The following PHF14 variants were observed in gnomAD, a reference collection of about 807,000 sequenced individuals.
PHF14 encodes PHD finger protein 14.
PHF14 carries 55 observed loss-of-function variants against 117.9 expected under a neutral mutation model. The ratio of observed to expected loss-of-function variants is 0.47; its 90% confidence interval spans 0.38 to 0.58. PHF14 has a LOEUF of 0.58. Ranked by LOEUF, PHF14 falls within the 20% of genes least tolerant of loss-of-function variation. PHF14 has a pLI of 0.00. For synonymous variants in PHF14, 409 were observed against 368.6 expected (o/e 1.11, Z -1.26); for missense variants, 978 against 1,122.2 (o/e 0.87, Z 1.84).
intron 16 of PHF14, among the ~76,000 whole-genome samples, chr7:11,072,969 A>C (rs1785676488): frequency 6.6e-6 from 1 of 152,200 alleles, no homozygotes; most frequent in Non-Finnish European, 1.5e-5. Context: ...CCAAGCATTC[A>C]TGAGGGATCT....
chr7:11,050,335 A>G (rs775449380), intron 13 of PHF14, among the ~76,000 whole-genome samples: 1 of 152,166 alleles, frequency 6.6e-6, no homozygotes, highest in Non-Finnish European at 1.5e-5. Flanking sequence ...GATTATAATC[A>G]TTTTTATTAA....
intron 17 of PHF14, among the ~76,000 whole-genome samples, chr7:11,167,179 T>C: frequency 6.6e-6 from 1 of 152,146 alleles, no homozygotes; most frequent in East Asian, 1.9e-4. Context: ...TAGAGAAAAC[T>C]AGATAGCCAA....
At chr7:11,052,269 C>G (rs1453054192) in intron 14 of PHF14, among the ~76,000 whole-genome samples, 1 of 152,046 alleles carries the variant, frequency 6.6e-6, no homozygotes, top group African/African-American at 2.4e-5. Context: ...GATATTTTGA[C>G]CAAAATTATG....
intron 16 of PHF14, among the ~76,000 whole-genome samples, chr7:11,084,577 C>A (rs1395243959): frequency 2.0e-5 from 3 of 151,596 alleles, no homozygotes; most frequent in East Asian, 1.9e-4. Flanking sequence ...TAAGTAGCTA[C>A]AAAATATAAT....
At chr7:11,115,964 A>G (rs1787590959) in intron 17 of PHF14, among the ~76,000 whole-genome samples, 2 of 152,036 alleles carry the variant, frequency 1.3e-5, no homozygotes, top group Admixed American at 1.3e-4. Flanking sequence ...GATTTGAATT[A>G]TAGATAATGA....
At chr7:11,110,755 G>C (rs184480652) in intron 16 of PHF14, among the ~76,000 whole-genome samples, 1 of 151,930 alleles carries the variant, frequency 6.6e-6, no homozygotes, top group African/African-American at 2.4e-5. Flanking sequence ...ACATGTAAAG[G>C]TTATTTTTAT....
chr7:11,040,473 C>G (rs1432833045), intron 11 of PHF14, among the ~76,000 whole-genome samples, 199 bp from the exon 12 acceptor site: 1 of 151,792 alleles, frequency 6.6e-6, no homozygotes, highest in Non-Finnish European at 1.5e-5. Flanking sequence ...TGATGAAAGT[C>G]TGTAATTATA....
At chr7:11,137,733 C>G (rs1788267268) in intron 17 of PHF14, among the ~76,000 whole-genome samples, 2 of 151,222 alleles carry the variant, frequency 1.3e-5, no homozygotes, top group Admixed American at 1.3e-4. Flanking sequence ...TTACAGGCAC[C>G]TGCCACCACG....
intron 17 of PHF14, among the ~76,000 whole-genome samples, chr7:11,127,539 C>G (rs1261364481): frequency 2.6e-5 from 4 of 152,108 alleles, no homozygotes. Flanking sequence ...TGCTTTGCTA[C>G]TACAGACAGA....
chr7:10,989,035 G>A (rs1194442149), intron 3 of PHF14, among the ~76,000 whole-genome samples: 1 of 152,062 alleles, frequency 6.6e-6, no homozygotes, highest in Admixed American at 6.6e-5. Context: ...GATGTTTTCA[G>A]TTTTATTTGC....
intron 11 of PHF14, among the ~76,000 whole-genome samples, 176 bp downstream of exon 11, chr7:11,039,031 T>A (rs1215989253): frequency 1.3e-5 from 2 of 152,184 alleles, no homozygotes; most frequent in African/African-American, 4.8e-5. Context: ...GGAAGCTGCC[T>A]ACTGAGAACC....
At chr7:11,169,164 G>C (rs1789294742) in intron 17 of PHF14, among the ~76,000 whole-genome samples, 1 of 152,072 alleles carries the variant, frequency 6.6e-6, no homozygotes, top group African/African-American at 2.4e-5. Flanking sequence ...TTCAGTGGCA[G>C]GTGTTTCCAA....
rs372335318 is a variant in PHF14, at chr7:10,974,900, T to G, written c.67T>G (p.Tyr23Asp). The change falls in exon 2 of 18, where the codon TAT becomes GAT. Residue 23 changes from tyrosine to aspartate, a missense_variant. Tyr to Asp is a radical substitution (Grantham distance 160). This residue lies in a region of PHF14 where 414 missense variants were observed against 376.4 expected (regional missense o/e 1.10). Transcript: ENST00000634607. ...AGCTTCTCTGCTGGAAGCTCTTGATTATGATAGTTCAGATGACAGTGATTT... is the reference window on the plus strand; with the variant it reads ...AGCTTCTCTGCTGGAAGCTCTTGATGATGATAGTTCAGATGACAGTGATTT... ...LAASLLEALD[Y>D]DSSDDSDFKV... 6.3e-7 allele frequency: 1 copy of G among 1,592,042 alleles called. No homozygotes were observed. Among genetic ancestry groups the G allele is most frequent in the Non-Finnish European group, 8.6e-7 (1 of 1,167,170 alleles).
At chr7:11,030,202 A>T (rs927729772) in intron 7 of PHF14, among the ~76,000 whole-genome samples, 10 of 151,644 alleles carry the variant, frequency 6.6e-5, no homozygotes, top group African/African-American at 2.4e-4. Context: ...GGTAGTCTGG[A>T]TTCCTCATAG....
intron 16 of PHF14, chr7:11,063,256 C>A (rs752121185): frequency 1.0e-6 from 1 of 984,484 alleles, no homozygotes; most frequent in Non-Finnish European, 1.2e-6. Flanking sequence ...TGGGAGCTAT[C>A]CTGAAGGTTA....
intron 2 of PHF14, among the ~76,000 whole-genome samples, chr7:10,980,656 G>A (rs1400134942): frequency 2.6e-5 from 4 of 152,118 alleles, no homozygotes; most frequent in Non-Finnish European, 5.9e-5. Flanking sequence ...TTACTTGATG[G>A]CAAAGCCTAA....
In PHF14 at chr7:11,076,561, C is replaced by G. The variant is rs867884294; in HGVS notation, c.2654+14476C>G. Among the ~76,000 whole-genome samples, 119 of 127,170 alleles carry G rather than the reference C, an allele frequency of 9.4e-4. 4 individuals are homozygous for G. The South Asian group carries it at 0.029, about 31-fold the overall frequency. The allele number at this position is 127,170 out of a possible 152,430, so 83.4% of individuals were successfully genotyped here. On this transcript the variant is annotated intron_variant, in intron 16 of 17. Transcript: ENST00000634607. ...AGATGCTTATCTTGGATATTTTTTT[C>G]TTTTTCTTTTTTTTTTTTTTTTTTG...
At chr7:11,090,883 G>T (rs1014384340) in intron 16 of PHF14, among the ~76,000 whole-genome samples, 4 of 152,178 alleles carry the variant, frequency 2.6e-5, no homozygotes, top group African/African-American at 9.7e-5. Flanking sequence ...GTATGAGTAG[G>T]TTTTAGGAGA....
rs150236216 is a variant in PHF14, at chr7:11,156,825, T to C, written c.2773-12591T>C. Among the ~76,000 whole-genome samples, 3 of 152,136 alleles carry C rather than the reference T, an allele frequency of 2.0e-5. No homozygotes were observed. The East Asian group carries it at 5.8e-4, about 29-fold the overall frequency. On this transcript the variant is annotated intron_variant, in intron 17 of 17. Transcript: ENST00000634607. ...ACAGAAAAAAGAAAAGAAATTAACT[T>C]TCTACACTTAAGTTTATTTCCAAAG...
Sources: gnomAD v4.1 joint callset for allele counts (sites outside exome capture counted in the v4.1 genomes callset) on GRCh38, gnomAD v4.1.1 for gene constraint, gnomAD v4.1.1 regional missense constraint, MANE v1.5 for transcripts, NCBI Gene and HGNC (gene_info 2026-07-23, HGNC 2026-07-21) for gene names.